The following RPS6KC1 variants were observed in gnomAD, a reference collection of about 807,000 sequenced individuals.
RPS6KC1 encodes ribosomal protein S6 kinase C1, also known as inactive ribosomal protein S6 kinase delta-1.
Under a neutral mutation model 103.8 loss-of-function variants are expected in RPS6KC1, and 54 were observed. The observed-to-expected ratio is 0.52, with a 90% CI of 0.42 to 0.65. The LOEUF is 0.65. Among genes scored for constraint, RPS6KC1 ranks in the 30% least tolerant of loss-of-function variants. RPS6KC1 has a pLI of 0.00. For synonymous variants in RPS6KC1, 439 were observed against 438.7 expected (o/e 1.00, Z -0.01); for missense variants, 1,151 against 1,253.8 (o/e 0.92, Z 1.24).
chr1:213,440,443 G>A, the RPS6KC1 span, among the ~76,000 whole-genome samples: 1 of 152,016 alleles, frequency 6.6e-6, no homozygotes, highest in Non-Finnish European at 1.5e-5. Context: ...AAAGTTTTGG[G>A]GAAGTGCTAG....
chr1:213,647,118 C>T, the RPS6KC1 span, among the ~76,000 whole-genome samples: 4 of 151,860 alleles, frequency 2.6e-5, no homozygotes, highest in African/African-American at 9.7e-5. Context: ...GCCACGTTGG[C>T]CAGGATGGTC....
At chr1:213,375,871 C>T in the RPS6KC1 span, among the ~76,000 whole-genome samples, 1 of 152,212 alleles carries the variant, frequency 6.6e-6, no homozygotes. Context: ...GTCTCTGGCC[C>T]AGAGGGCCAG....
intron 8 of RPS6KC1, among the ~76,000 whole-genome samples, chr1:213,225,984 GA>G (rs1236796130): frequency 6.6e-6 from 1 of 151,698 alleles, no homozygotes; most frequent in East Asian, 2.0e-4. Context: ...AGCACTTTGG[GA>G]TGCCGAGGCG....
chr1:213,530,096 C>A, the RPS6KC1 span, among the ~76,000 whole-genome samples: 1 of 151,662 alleles, frequency 6.6e-6, no homozygotes, highest in African/African-American at 2.4e-5. Context: ...TACATGTGCA[C>A]AACGTGCAGG....
At chr1:213,391,793 G>T in the RPS6KC1 span, among the ~76,000 whole-genome samples, 1 of 152,176 alleles carries the variant, frequency 6.6e-6, no homozygotes, top group African/African-American at 2.4e-5. Context: ...TTCATGCAAA[G>T]AATTATTTTT....
the RPS6KC1 span, among the ~76,000 whole-genome samples, chr1:213,737,916 G>T: frequency 6.6e-6 from 1 of 152,160 alleles, no homozygotes; most frequent in East Asian, 1.9e-4. Flanking sequence ...TGCTAATCTC[G>T]GAACAGTTTG....
At chr1:213,251,162 A>G (rs538819178) in intron 12 of RPS6KC1, among the ~76,000 whole-genome samples, 43 of 133,816 alleles carry the variant, frequency 3.2e-4, no homozygotes, top group Admixed American at 2.1e-3. Context: ...GCTGGAGTGC[A>G]GTGGTGTGAT....
chr1:213,517,176 C>A, the RPS6KC1 span, among the ~76,000 whole-genome samples: 1 of 133,104 alleles, frequency 7.5e-6, no homozygotes, highest in African/African-American at 2.6e-5. Flanking sequence ...TTCAAAAAAC[C>A]AGCTCCTGGA....
At chr1:213,178,718 CTT>C (rs960291541) in intron 8 of RPS6KC1, among the ~76,000 whole-genome samples, 1 of 146,024 alleles carries the variant, frequency 6.8e-6, no homozygotes, top group Admixed American at 6.8e-5. Context: ...TGACATTTAA[CTT>C]TTTTTTTTTT....
At chr1:213,654,479 C>T in the RPS6KC1 span, among the ~76,000 whole-genome samples, 1 of 152,154 alleles carries the variant, frequency 6.6e-6, no homozygotes, top group African/African-American at 2.4e-5. Flanking sequence ...AATCCAAATC[C>T]AACCTAAAGC....
At chr1:213,808,766 C>T in the RPS6KC1 span, among the ~76,000 whole-genome samples, 1 of 152,260 alleles carries the variant, frequency 6.6e-6, no homozygotes, top group Non-Finnish European at 1.5e-5. Flanking sequence ...CTTCGGCTCG[C>T]ACACGGTGCG....
intron 8 of RPS6KC1, among the ~76,000 whole-genome samples, chr1:213,209,939 C>A (rs2093459763): frequency 2.0e-5 from 3 of 152,098 alleles, no homozygotes; most frequent in Admixed American, 2.0e-4. Flanking sequence ...TGTAAACTGT[C>A]ATGGTGGGAG....
the RPS6KC1 span, among the ~76,000 whole-genome samples, chr1:213,558,448 G>A: frequency 6.6e-6 from 1 of 152,118 alleles, no homozygotes; most frequent in Non-Finnish European, 1.5e-5. Flanking sequence ...TTTGGGGTAC[G>A]GGGCCAAAAC....
the RPS6KC1 span, among the ~76,000 whole-genome samples, chr1:213,410,150 A>T: frequency 6.6e-6 from 1 of 152,164 alleles, no homozygotes; most frequent in African/African-American, 2.4e-5. Context: ...TGAGACTGTG[A>T]CTCAAACAAA....
the RPS6KC1 span, among the ~76,000 whole-genome samples, chr1:213,534,205 G>A: frequency 8.5e-5 from 13 of 152,172 alleles, no homozygotes; most frequent in African/African-American, 2.2e-4. Context: ...CACAGACAGC[G>A]AATGGGAAAG....
chr1:213,448,242 A>G, the RPS6KC1 span, among the ~76,000 whole-genome samples: 1 of 119,428 alleles, frequency 8.4e-6, no homozygotes, highest in African/African-American at 2.8e-5. Flanking sequence ...AAAAAAAAAA[A>G]AAAAAGGAAA....
the RPS6KC1 span, among the ~76,000 whole-genome samples, chr1:213,383,461 C>T: frequency 6.6e-6 from 1 of 152,176 alleles, no homozygotes; most frequent in Non-Finnish European, 1.5e-5. Flanking sequence ...GGATGACTGC[C>T]CATTTGCTGG....
the RPS6KC1 span, among the ~76,000 whole-genome samples, chr1:213,732,038 T>G: frequency 6.2e-3 from 948 of 152,290 alleles, 8 homozygotes; most frequent in African/African-American, 0.022. Flanking sequence ...CTGGTTGTCT[T>G]ATGGGGTGAG....
At chr1:213,729,272 T>C in the RPS6KC1 span, among the ~76,000 whole-genome samples, 11 of 152,210 alleles carry the variant, frequency 7.2e-5, no homozygotes, top group Middle Eastern at 6.8e-3. Flanking sequence ...TCCTCGGGTT[T>C]GAGGGCTTGA....
Sources: allele counts gnomAD v4.1 joint callset (sites outside exome capture counted in the v4.1 genomes callset), GRCh38; gene constraint gnomAD v4.1.1; transcripts MANE v1.5; gene names NCBI Gene and HGNC (gene_info 2026-07-23, HGNC 2026-07-21).